ZBBX: variants seen among roughly 807,000 people sequenced by gnomAD.
The protein encoded by ZBBX is zinc finger B-box domain containing, also known as zinc finger B-box domain-containing protein 1.
ZBBX carries 101 observed loss-of-function variants against 108.5 expected under a neutral mutation model. That is an observed-to-expected ratio of 0.93 (90% confidence interval 0.79 to 1.10). ZBBX has a LOEUF of 1.10. ZBBX is among the 50% of genes least tolerant of loss of function. The probability of loss-of-function intolerance (pLI) is 0.00; values close to 1 mark genes in which losing one functional copy is unlikely to be tolerated. For missense variants in ZBBX, 1,009 were observed against 941.4 expected (o/e 1.07, Z -0.94); for synonymous variants, 356 against 323.4 (o/e 1.10, Z -1.08).
At chr3:167,233,841 C>A in the ZBBX span, among the ~76,000 whole-genome samples, 2 of 151,876 alleles carry the variant, frequency 1.3e-5, no homozygotes, top group East Asian at 3.9e-4. Context: ...AATCACATAT[C>A]TCAACAATCC....
At chr3:167,202,716 G>A in the ZBBX span, among the ~76,000 whole-genome samples, 1 of 152,104 alleles carries the variant, frequency 6.6e-6, no homozygotes, top group Non-Finnish European at 1.5e-5. Context: ...CGTCATAGCA[G>A]TTATGAGGTA....
chr3:167,256,099 A>G (rs1723460697), intron 20 of ZBBX, among the ~76,000 whole-genome samples: 2 of 152,070 alleles, frequency 1.3e-5, no homozygotes, highest in African/African-American at 4.8e-5. Context: ...TGACAAAACA[A>G]TCTCCAGTGC....
At chr3:167,210,236 T>C in the ZBBX span, among the ~76,000 whole-genome samples, 1 of 152,134 alleles carries the variant, frequency 6.6e-6, no homozygotes, top group African/African-American at 2.4e-5. Flanking sequence ...GCAGAAATTA[T>C]GGAGTTGAAA....
rs191423609 is a variant in ZBBX at position 167,313,328 on chromosome 3, T to C, written c.1417+646A>G. Among the ~76,000 whole-genome samples, 398 of 152,278 alleles carry C rather than the reference T, an allele frequency of 2.6e-3. 3 individuals are homozygous for C. The highest frequency in any genetic ancestry group is 9.4e-3 in the African/African-American group (389 of 41,558). ...TTTGCTCTTGTCGCCTAGGCTGGAG[T>C]GCAACGGTGTGATCTCGGCTTACCG... On this transcript the variant is annotated intron_variant, in intron 16 of 21. Coordinates refer to ENST00000675490, the MANE Select transcript of ZBBX (RefSeq NM_001199201.2).
intron 9 of ZBBX, among the ~76,000 whole-genome samples, chr3:167,339,524 G>C (rs1740165928): frequency 6.6e-6 from 1 of 152,074 alleles, no homozygotes; most frequent in African/African-American, 2.4e-5. Flanking sequence ...GTTTTAACTA[G>C]GATTTGTTAA....
the ZBBX span, among the ~76,000 whole-genome samples, chr3:167,187,235 G>A: frequency 6.6e-6 from 1 of 152,164 alleles, no homozygotes; most frequent in East Asian, 1.9e-4. Flanking sequence ...AAAGTAACAA[G>A]TACTTATCTA....
the ZBBX span, among the ~76,000 whole-genome samples, chr3:167,203,122 C>T: frequency 1.3e-5 from 2 of 152,068 alleles, no homozygotes; most frequent in Non-Finnish European, 2.9e-5. Flanking sequence ...AAAAATTTCT[C>T]ATAATTTTGG....
At chr3:167,381,964 A>G (rs995999516), upstream of ZBBX, among the ~76,000 whole-genome samples, 3 of 152,212 alleles carry the variant, frequency 2.0e-5, no homozygotes, top group Admixed American at 1.3e-4. Context: ...ATGGGCCACT[A>G]GAGGAAGAAA....
At chr3:167,333,764 AT>A in intron 10 of ZBBX, 62 bp downstream of exon 10, 1 of 1,379,910 alleles carries the variant, frequency 7.2e-7, no homozygotes, top group Admixed American at 2.5e-5. Flanking sequence ...AGTTAAGTAC[AT>A]GAATGGCACC....
chr3:167,396,276 G>T (rs1011109312), intron 1 of ZBBX, among the ~76,000 whole-genome samples: 1 of 151,996 alleles, frequency 6.6e-6, no homozygotes, highest in East Asian at 1.9e-4. Flanking sequence ...TTCTGTTGTT[G>T]AATGTATAAA....
the ZBBX span, among the ~76,000 whole-genome samples, chr3:167,180,936 T>C: frequency 2.0e-5 from 3 of 152,200 alleles, no homozygotes; most frequent in Non-Finnish European, 4.4e-5. Context: ...ATTTTTTTCT[T>C]AATAACAAAG....
intron 10 of ZBBX, 103 bp from the exon 11 acceptor site, chr3:167,328,219 T>A: frequency 1.8e-6 from 2 of 1,108,614 alleles, no homozygotes; most frequent in Non-Finnish European, 2.5e-6. Context: ...CAGGTAGAAC[T>A]AATTATTAGT....
At chr3:167,349,451 T>C (rs1742267980) in intron 9 of ZBBX, among the ~76,000 whole-genome samples, 1 of 152,036 alleles carries the variant, frequency 6.6e-6, no homozygotes, top group Admixed American at 6.6e-5. Flanking sequence ...GCGCTAAACA[T>C]TGAGTGGTCA....
chr3:167,373,036 G>C lies in ZBBX; in HGVS notation c.-49-86C>G, dbSNP rs980912861. The C allele has an allele frequency of 1.0e-5, 6 of 599,532 alleles. No homozygotes were observed. In the Middle Eastern group the frequency reaches 1.9e-3, roughly 188 times the overall value. 37.1% of individuals were successfully genotyped at this position (599,532 alleles called of 1,614,324 possible). ...TCAAAACTCCATATAATTCAGGAATGTTTTTAAAACCTTATGAGCAAAAAG... is the reference window on the plus strand; with the variant it reads ...TCAAAACTCCATATAATTCAGGAATCTTTTTAAAACCTTATGAGCAAAAAG... On this transcript the variant is annotated intron_variant, in intron 3 of 21. Transcript: ENST00000675490.
chr3:167,224,903 C>T, the ZBBX span, among the ~76,000 whole-genome samples: 1 of 151,764 alleles, frequency 6.6e-6, no homozygotes, highest in African/African-American at 2.4e-5. Flanking sequence ...CTTTTTACCA[C>T]CAGAGATAAT....
At chr3:167,234,288 C>T in the ZBBX span, among the ~76,000 whole-genome samples, 1 of 151,376 alleles carries the variant, frequency 6.6e-6, no homozygotes, top group Non-Finnish European at 1.5e-5. Flanking sequence ...TACAAAATAC[C>T]CTAATATTGG....
intron 18 of ZBBX, among the ~76,000 whole-genome samples, chr3:167,292,318 C>T (rs1730838916): frequency 6.6e-6 from 1 of 152,152 alleles, no homozygotes; most frequent in South Asian, 2.1e-4. Context: ...AAACCCTCCT[C>T]AGCAAATGCA....
At chr3:167,276,452 A>C (rs1727593876) in intron 20 of ZBBX, among the ~76,000 whole-genome samples, 1 of 152,238 alleles carries the variant, frequency 6.6e-6, no homozygotes, top group Admixed American at 6.5e-5. Flanking sequence ...AGAATGCAGA[A>C]GCCTCAGGAG....
chr3:167,255,228 G>A (rs576822994), intron 20 of ZBBX, among the ~76,000 whole-genome samples: 21 of 151,994 alleles, frequency 1.4e-4, no homozygotes, highest in African/African-American at 4.8e-4. Context: ...AGGGTCAGAC[G>A]ACAACAGGAA....
Sources: allele counts gnomAD v4.1 joint callset (sites outside exome capture counted in the v4.1 genomes callset), GRCh38; gene constraint gnomAD v4.1.1; transcripts MANE v1.5; gene names NCBI Gene and HGNC (gene_info 2026-07-23, HGNC 2026-07-21).